PCLO: variants seen among roughly 807,000 people sequenced by gnomAD.
PCLO encodes the protein protein piccolo.
In PCLO, 82 loss-of-function variants were observed where a neutral mutation model predicts 427.5. That is an observed-to-expected ratio of 0.19 (90% confidence interval 0.16 to 0.23). The LOEUF (loss-of-function observed/expected upper bound fraction) is 0.23. Ranked by LOEUF, PCLO falls within the 10% of genes least tolerant of loss-of-function variation. PCLO has a pLI of 1.00. For synonymous variants in PCLO, 2,357 were observed against 2,155.4 expected (o/e 1.09, Z -2.59); for missense variants, 6,239 against 6,115.9 (o/e 1.02, Z -0.67).
At chr7:83,022,834 T>C (rs1050475848) in intron 3 of PCLO, among the ~76,000 whole-genome samples, 1 of 152,300 alleles carries the variant, frequency 6.6e-6, no homozygotes, top group African/African-American at 2.4e-5. Context: ...AAAAACTATC[T>C]GAAAGCCTGA....
intron 21 of PCLO, among the ~76,000 whole-genome samples, chr7:82,804,066 G>T (rs1441466853): frequency 6.6e-6 from 1 of 152,062 alleles, no homozygotes; most frequent in Non-Finnish European, 1.5e-5. Context: ...AGAAAAATTG[G>T]AAGGATAACA....
chr7:82,827,500 ATTTT>A (rs958022717), intron 17 of PCLO, among the ~76,000 whole-genome samples: 1 of 151,680 alleles, frequency 6.6e-6, no homozygotes, highest in South Asian at 2.1e-4. Context: ...ACTGAATCTT[ATTTT>A]TTTTGTGTAT....
intron 3 of PCLO, among the ~76,000 whole-genome samples, chr7:83,074,290 C>T (rs1789894679): frequency 6.6e-6 from 1 of 151,826 alleles, no homozygotes; most frequent in Non-Finnish European, 1.5e-5. Context: ...AATAGACATC[C>T]GGATAACTAC....
In PCLO at chr7:83,162,814, G is replaced by A; in HGVS notation, c.-222C>T. 5.1e-6 allele frequency: 3 copies of A among 592,724 alleles called. No individual in the cohort carries two copies. Among genetic ancestry groups the A allele is most frequent in the Non-Finnish European group, 8.6e-6 (3 of 348,154 alleles). 36.7% of individuals were successfully genotyped at this position (592,724 alleles called of 1,614,324 possible). A position where few individuals can be genotyped will look rare whatever the true frequency, so the allele number is the denominator to read the frequency against. Reference sequence around the variant, plus strand: ...CGGTGCCTCCTCCATGTTGGACAGCGCCAGGCAACCTTTGCAGAAGACACC... The same window carrying A: ...CGGTGCCTCCTCCATGTTGGACAGCACCAGGCAACCTTTGCAGAAGACACC... On this transcript the variant is annotated 5_prime_UTR_variant, in exon 1 of 25. Transcript: ENST00000333891.
chr7:82,922,242 T>C (rs1310952997), intron 6 of PCLO, among the ~76,000 whole-genome samples: 1 of 151,868 alleles, frequency 6.6e-6, no homozygotes, highest in Non-Finnish European at 1.5e-5. Flanking sequence ...GCTGGGTGTA[T>C]ACTCAAAGGA....
intron 3 of PCLO, among the ~76,000 whole-genome samples, chr7:83,002,490 T>A (rs746501652): frequency 6.6e-6 from 1 of 151,938 alleles, no homozygotes; most frequent in Non-Finnish European, 1.5e-5. Context: ...AATTTTTACA[T>A]ACTCTAAAAT....
rs368774509 is a variant in PCLO at position 82,953,452 on chromosome 7, G to A, written c.7501C>T (p.His2501Tyr). Residue 2501 changes from histidine (H) to tyrosine (Y), a missense_variant, in exon 5 of 25, where the codon CAC (histidine) becomes TAC (tyrosine). Coordinates refer to ENST00000333891, the MANE Select transcript of PCLO (RefSeq NM_033026.6). Reference protein sequence around the residue: ...SSIPSGLVFTHRPEPSKPPIA... With the variant: ...SSIPSGLVFTYRPEPSKPPIA... ...GGAGGTTTGCTTGGCTCAGGCCTGT[G>A]GGTAAATACAAGTCCAGATGGAATT... The A allele has an allele frequency of 1.2e-6, 2 of 1,613,470 alleles. No homozygotes were observed. Among genetic ancestry groups the A allele is most frequent in the Non-Finnish European group, 1.7e-6 (2 of 1,179,794 alleles).
intron 3 of PCLO, among the ~76,000 whole-genome samples, chr7:83,075,470 TA>T (rs1789927935): frequency 6.6e-6 from 1 of 152,136 alleles, no homozygotes; most frequent in African/African-American, 2.4e-5. Context: ...TAAACATTTT[TA>T]ATATACAAAA....
intron 2 of PCLO, among the ~76,000 whole-genome samples, chr7:83,144,392 G>C (rs1369285351): frequency 6.6e-6 from 1 of 151,954 alleles, no homozygotes; most frequent in Non-Finnish European, 1.5e-5. Context: ...TTGCACTCCA[G>C]CCTGCACAAC....
chr7:83,118,451 G>A (rs575621582), intron 3 of PCLO, among the ~76,000 whole-genome samples: 4 of 152,224 alleles, frequency 2.6e-5, no homozygotes, highest in African/African-American at 9.6e-5. Context: ...GAAGAGGGTA[G>A]AAAGGACAGT....
At chr7:82,778,200 C>G (rs888416454) in intron 22 of PCLO, among the ~76,000 whole-genome samples, 7 of 152,060 alleles carry the variant, frequency 4.6e-5, no homozygotes, top group African/African-American at 1.7e-4. Flanking sequence ...GAATGCAAAT[C>G]AAAACCACAA....
chr7:82,901,762 A>G (rs1267096667), intron 9 of PCLO, among the ~76,000 whole-genome samples: 2 of 152,128 alleles, frequency 1.3e-5, no homozygotes, highest in Non-Finnish European at 2.9e-5. Context: ...AAAAGTGGGC[A>G]AAGGATATGA....
chr7:82,984,057 A>C (rs773724533), intron 3 of PCLO, among the ~76,000 whole-genome samples: 17 of 152,010 alleles, frequency 1.1e-4, no homozygotes, highest in Non-Finnish European at 1.6e-4. Flanking sequence ...TAGGAGAAAA[A>C]AATGTTGCCT....
intron 20 of PCLO, among the ~76,000 whole-genome samples, chr7:82,817,202 T>C (rs1479086843): frequency 6.6e-6 from 1 of 152,200 alleles, no homozygotes; most frequent in East Asian, 1.9e-4. Context: ...GCGCATGTCA[T>C]TACAGTTTGA....
chr7:82,971,935 A>C (rs939954053), intron 3 of PCLO, among the ~76,000 whole-genome samples: 1 of 151,692 alleles, frequency 6.6e-6, no homozygotes, highest in Non-Finnish European at 1.5e-5. Flanking sequence ...TATTATAAGT[A>C]TCATCTAATG....
chr7:82,771,514 T>C (rs1202243193), intron 22 of PCLO, among the ~76,000 whole-genome samples: 1 of 152,054 alleles, frequency 6.6e-6, no homozygotes, highest in Non-Finnish European at 1.5e-5. Context: ...CAATGACAAA[T>C]ACCAGTTGAA....
At chr7:82,793,494 C>T (rs947044290) in intron 22 of PCLO, among the ~76,000 whole-genome samples, 2 of 152,128 alleles carry the variant, frequency 1.3e-5, no homozygotes, top group East Asian at 1.9e-4. Flanking sequence ...TGGAGACAAA[C>T]GCCATTCGAA....
Position 83,135,673 on chromosome 7 carries a change from A to T in PCLO, c.1894-17T>A. 1 of 1,497,062 alleles carries T rather than the reference A, an allele frequency of 6.7e-7. No homozygotes were observed. The highest frequency in any genetic ancestry group is 2.4e-5 in the East Asian group (1 of 42,516). The allele number at this position is 1,497,062 out of a possible 1,614,324, so 92.7% of individuals were successfully genotyped here. On this transcript the variant is annotated splice_polypyrimidine_tract_variant and intron_variant, in intron 2 of 24. Transcript: ENST00000333891. Reference sequence around the variant, plus strand: ...CTCTTTTACCTACAAATAATATAAAACAATGGTCACCGAGACAATACTGTA... The same window carrying T: ...CTCTTTTACCTACAAATAATATAAATCAATGGTCACCGAGACAATACTGTA...
intron 13 of PCLO, among the ~76,000 whole-genome samples, chr7:82,842,625 T>C (rs1792395399): frequency 6.6e-6 from 1 of 151,980 alleles, no homozygotes; most frequent in South Asian, 2.1e-4. Flanking sequence ...AGACAACCTA[T>C]AGAATGTGAG....
Sources: gnomAD v4.1 joint callset for allele counts (sites outside exome capture counted in the v4.1 genomes callset) on GRCh38, gnomAD v4.1.1 for gene constraint, MANE v1.5 for transcripts, NCBI Gene and HGNC (gene_info 2026-07-23, HGNC 2026-07-21) for gene names.